The following GTF3C1 variants were observed in gnomAD, a reference collection of about 807,000 sequenced individuals.
GTF3C1 encodes general transcription factor IIIC subunit 1.
GTF3C1 carries 57 observed loss-of-function variants against 226.7 expected under a neutral mutation model. The ratio of observed to expected loss-of-function variants is 0.25; its 90% CI spans 0.20 to 0.31. The LOEUF is 0.31. Among genes scored for constraint, GTF3C1 ranks in the 10% least tolerant of loss-of-function variants. GTF3C1 has a pLI of 1.00. For missense variants in GTF3C1, 2,217 were observed against 2,776.1 expected, an observed-to-expected ratio of 0.80 and a Z score of 4.53; for synonymous variants, 1,090 against 1,084.8, an observed-to-expected ratio of 1.00 and a Z score of -0.09.
At chr16:27,501,758 C>T (rs1254847891) in intron 11 of GTF3C1, among the ~76,000 whole-genome samples, 2 of 152,230 alleles carry the variant, frequency 1.3e-5, no homozygotes, top group African/African-American at 4.8e-5. Flanking sequence ...GATACATCTT[C>T]CTCTAGGTCT....
intron 1 of GTF3C1, 54 bp downstream of exon 1, chr16:27,549,616 G>A: frequency 1.2e-6 from 1 of 833,538 alleles, no homozygotes; most frequent in Non-Finnish European, 1.9e-6. Context: ...AGCTCCATCA[G>A]CCCCCGGGCC....
intron 9 of GTF3C1, 146 bp from the exon 10 acceptor site, chr16:27,506,262 G>A (rs2088483399): frequency 5.0e-6 from 3 of 599,144 alleles, no homozygotes; most frequent in South Asian, 2.0e-5. Flanking sequence ...AGCAGCTTGG[G>A]CCCCTCCTTC....
rs1189231078 is a variant in GTF3C1 at position 27,489,185 on chromosome 16, G to C, written c.3294-7C>G. 1 of 1,613,854 alleles carries C rather than the reference G, an allele frequency of 6.2e-7. No individual in the cohort carries two copies. On this transcript the variant is annotated splice_region_variant and splice_polypyrimidine_tract_variant and intron_variant, in intron 20 of 36. Coordinates refer to ENST00000356183, the MANE Select transcript of GTF3C1 (RefSeq NM_001520.4). ...CACCACCTCACGGCTTCCACTAAAA[G>C]ACAGGAAATCAACAGAAAAGAGCCC...
Position 27,497,722 on chromosome 16 carries a change from A to G in GTF3C1, c.2265T>C (p.Ala755=), listed in dbSNP as rs2141388853. ...TCCGTCCACTTTCTGATCTAGAGGA[A>G]GCACTCAGCTGAGAGTCCCCTGATC... ...PSGSGDSQLS[A]SSRSESGRMK... The change falls in exon 14 of 37, where the codon GCT becomes GCC. Residue 755 remains alanine (A), a synonymous_variant. Coordinates refer to ENST00000356183, the MANE Select transcript of GTF3C1 (RefSeq NM_001520.4). 1 of 1,613,886 alleles carries G rather than the reference A, an allele frequency of 6.2e-7. No individual in the cohort carries two copies. The highest frequency in any genetic ancestry group is 1.6e-4 in the Middle Eastern group (1 of 6,062).
Position 27,493,202 on chromosome 16 carries a change from T to C in GTF3C1, c.2873A>G (p.Lys958Arg). 1 of 1,584,590 alleles carries C rather than the reference T, an allele frequency of 6.3e-7. No homozygotes were observed. Among genetic ancestry groups the C allele is most frequent in the South Asian group, 1.1e-5 (1 of 90,548 alleles). ...GGGTCAGGTTCAATGGCCTCACCTC[T>C]TGTACAGAAGCTGCTGCCGAATGGG... is the stretch of plus-strand genomic sequence containing the variant. ...PRPIRQQLLYKRRYIFSVVEN... is the reference protein window; with the variant it reads ...PRPIRQQLLYRRRYIFSVVEN... The change falls in exon 17 of 37, where the codon AAG becomes AGG. Residue 958 changes from lysine (K) to arginine (R), a missense_variant. By Grantham distance (26) the Lys-to-Arg change is conservative. Transcript: ENST00000356183.
intron 19 of GTF3C1, among the ~76,000 whole-genome samples, chr16:27,490,623 A>T (rs189670911): frequency 6.6e-6 from 1 of 152,302 alleles, no homozygotes; most frequent in African/African-American, 2.4e-5. Context: ...GGACCCTTGA[A>T]ACTAACAATA....
At chr16:27,508,212 T>C (rs1052059751) in intron 8 of GTF3C1, among the ~76,000 whole-genome samples, 2 of 152,240 alleles carry the variant, frequency 1.3e-5, no homozygotes, top group Non-Finnish European at 2.9e-5. Flanking sequence ...GGTTTCACCA[T>C]GTTGGCCAGG....
intron 9 of GTF3C1, among the ~76,000 whole-genome samples, chr16:27,506,505 A>G (rs537680025): frequency 1.3e-5 from 2 of 152,256 alleles, no homozygotes; most frequent in South Asian, 4.1e-4. Context: ...ACCACTCTCT[A>G]TGCATTTAAA....
rs751494524 is a variant in GTF3C1 at position 27,469,456 on chromosome 16, G to T, written c.4909C>A (p.Pro1637Thr). ...TAGTTGGTGTGGGAGGCTTGCGCAG[G>T]TTTCACCTCCATGCTCCGGCGCTTG... ...GGKRRSMEVK[P>T]AQASHTNYLL... The change falls in exon 32 of 37, where the codon CCT becomes ACT. Residue 1637 changes from proline to threonine, a missense_variant. Pro to Thr is a conservative substitution (Grantham distance 38). This residue lies in a region of GTF3C1 where 455 missense variants were observed against 441.9 expected (regional missense o/e 1.03). Transcript: ENST00000356183. This position sits in a 1 kb window ranked among gnomAD's most constrained non-coding sequence, Gnocchi z 4.5. The T allele has an allele frequency of 6.2e-7, 1 of 1,614,090 alleles. No individual in the cohort carries two copies. The highest frequency in any genetic ancestry group is 2.2e-5 in the East Asian group (1 of 44,898).
Position 27,498,736 on chromosome 16 carries a change from GGA to G in GTF3C1, c.2062-5_2062-4del, listed in dbSNP as rs1397710264. 4.7e-6 allele frequency: 7 copies of G among 1,479,008 alleles called. No individual in the cohort carries two copies. Among genetic ancestry groups the G allele is most frequent in the Middle Eastern group, 1.7e-4 (1 of 5,846 alleles). 91.6% of individuals were successfully genotyped at this position (1,479,008 alleles called of 1,614,324 possible). On this transcript the variant is annotated splice_region_variant and splice_polypyrimidine_tract_variant and intron_variant, in intron 12 of 36. Coordinates refer to ENST00000356183, the MANE Select transcript of GTF3C1 (RefSeq NM_001520.4). ...GACGGGTGCACCACCAGATCCACCT[GGA>G]GAGAGAGGTTGGAGCATCCCACAGG...
intron 14 of GTF3C1, among the ~76,000 whole-genome samples, chr16:27,496,644 T>G (rs1443044227): frequency 6.6e-6 from 1 of 152,214 alleles, no homozygotes. Flanking sequence ...GACCTCATGA[T>G]ATGCTCCACT....
At chr16:27,497,996 G>T (rs1490729105) in intron 13 of GTF3C1, among the ~76,000 whole-genome samples, 175 bp from the exon 14 acceptor site, 1 of 152,176 alleles carries the variant, frequency 6.6e-6, no homozygotes, top group South Asian at 2.1e-4. Flanking sequence ...GAAACTTTTG[G>T]GGGTGGTGGG....
intron 26 of GTF3C1, 65 bp from the exon 27 acceptor site, chr16:27,481,256 G>C: frequency 4.4e-6 from 6 of 1,360,446 alleles, no homozygotes; most frequent in Non-Finnish European, 6.3e-6. Flanking sequence ...TTGCTAAGAT[G>C]CACCAAGGAA....
At chr16:27,529,909 A>T (rs923153034) in intron 5 of GTF3C1, among the ~76,000 whole-genome samples, 3 of 152,352 alleles carry the variant, frequency 2.0e-5, no homozygotes, top group South Asian at 4.1e-4. Context: ...ATGGTAGTTA[A>T]GAGGAAAGTT....
intron 25 of GTF3C1, 73 bp downstream of exon 25, chr16:27,484,138 T>C (rs1171999631): frequency 8.9e-7 from 1 of 1,128,846 alleles, no homozygotes; most frequent in East Asian, 2.4e-5. Context: ...CCAGCCACAC[T>C]TCCCACCAGA....
At position 27,545,318 on chromosome 16, in the gene GTF3C1, C is replaced by G. The variant is rs1449622388; in HGVS notation, c.427G>C (p.Asp143His). ...QPRCTMVEAFDRWGKKLIIVA... is the reference protein window; with the variant it reads ...QPRCTMVEAFHRWGKKLIIVA... ...CTGATGGTGCAAAATAGTTACCTGT[C>G]AAAGGCTTCCACCATTGTACAGCGA... Residue 143 changes from aspartate to histidine, a missense_variant, in exon 2 of 37, where the codon GAC becomes CAC. Coordinates refer to ENST00000356183, the MANE Select transcript of GTF3C1 (RefSeq NM_001520.4). 1.9e-6 allele frequency: 3 copies of G among 1,609,792 alleles called. No individual in the cohort carries two copies. Among genetic ancestry groups the G allele is most frequent in the Non-Finnish European group, 8.5e-7 (1 of 1,176,198 alleles).
chr16:27,548,298 C>T (rs992892111), intron 1 of GTF3C1, among the ~76,000 whole-genome samples: 32 of 152,138 alleles, frequency 2.1e-4, no homozygotes, highest in African/African-American at 7.7e-4. Flanking sequence ...GACAGAGTCT[C>T]ACTCTGTCAC....
At position 27,507,162 on chromosome 16, in the gene GTF3C1, G is replaced by C. The variant is rs199643499; in HGVS notation, c.1243-6C>G. On this transcript the variant is annotated splice_region_variant and splice_polypyrimidine_tract_variant and intron_variant, in intron 8 of 36. Coordinates refer to ENST00000356183, the MANE Select transcript of GTF3C1 (RefSeq NM_001520.4). This position sits in a 1 kb window ranked among gnomAD's most constrained non-coding sequence, Gnocchi z 4.9. ...CCTTCGTCTTCCATGAATCCCTAGA[G>C]GGAATAAGATGTGTTTATCCCACTG... is the stretch of plus-strand genomic sequence containing the variant. 8 of 1,596,204 alleles carry C rather than the reference G, an allele frequency of 5.0e-6. No individual in the cohort carries two copies. In the Admixed American group the frequency reaches 1.4e-4, roughly 27 times the overall value.
At chr16:27,465,703 G>A in intron 32 of GTF3C1, 163 bp from the exon 33 acceptor site, 1 of 615,766 alleles carries the variant, frequency 1.6e-6, no homozygotes, top group Non-Finnish European at 2.9e-6. Context: ...GCCCCTGGCA[G>A]TCAGGCTCCT....
Sources: gnomAD v4.1 joint callset for allele counts (sites outside exome capture counted in the v4.1 genomes callset) on GRCh38, gnomAD v4.1.1 for gene constraint, gnomAD v4.1.1 regional missense constraint, Gnocchi (gnomAD v3.1) non-coding constraint, MANE v1.5 for transcripts, NCBI Gene and HGNC (gene_info 2026-07-23, HGNC 2026-07-21) for gene names.